CCT8: variants seen among roughly 807,000 people sequenced by gnomAD.
The protein encoded by CCT8 is T-complex protein 1 subunit theta.
Under a neutral mutation model 65.7 loss-of-function variants are expected in CCT8, and 10 were observed. That is an observed-to-expected ratio of 0.15 (90% CI 0.09 to 0.26). The LOEUF is 0.26. Among genes scored for constraint, CCT8 ranks in the 10% least tolerant of loss-of-function variants. The probability of loss-of-function intolerance (pLI) is 1.00; values close to 1 mark genes in which losing one functional copy is unlikely to be tolerated. For synonymous variants in CCT8, 199 were observed against 221.8 expected, an observed-to-expected ratio of 0.90 and a Z score of 0.92; for missense variants, 568 against 669.1, an observed-to-expected ratio of 0.85 and a Z score of 1.67.
At chr21:29,059,537 CCTG>C (rs1277007810) in intron 14 of CCT8, 1 of 152,178 alleles carries the variant, frequency 6.6e-6, no homozygotes, top group African/African-American at 2.4e-5. Context: ...TTCTTCCGTC[CCTG>C]CTATTTTTGG....
At chr21:29,068,690 C>T (rs2085650758) in intron 3 of CCT8, among the ~76,000 whole-genome samples, 1 of 152,168 alleles carries the variant, frequency 6.6e-6, no homozygotes, top group Admixed American at 6.5e-5. Flanking sequence ...GTCTCAAACT[C>T]CTGACCTTAG....
intron 3 of CCT8, among the ~76,000 whole-genome samples, chr21:29,068,521 G>A (rs541548121): frequency 4.6e-5 from 7 of 151,912 alleles, no homozygotes; most frequent in South Asian, 4.1e-4. Flanking sequence ...GTGCAGTGGC[G>A]CGATCTTGGC....
intron 5 of CCT8, 34 bp downstream of exon 5, chr21:29,066,856 AT>A: frequency 6.3e-7 from 1 of 1,585,710 alleles, no homozygotes; most frequent in Middle Eastern, 1.7e-4. Context: ...AGGTATTTTT[AT>A]TTTGGATCTT....
At chr21:29,056,664 G>T in intron 14 of CCT8, 112 bp from the exon 15 acceptor site, 1 of 548,022 alleles carries the variant, frequency 1.8e-6, no homozygotes, top group Non-Finnish European at 3.0e-6. Flanking sequence ...GTATAATTAT[G>T]TACTGCATAT....
chr21:29,067,060 A>G lies in CCT8; in HGVS notation c.393T>C (p.Gly131=). 1 of 1,603,858 alleles carries G rather than the reference A, an allele frequency of 6.2e-7. No individual in the cohort carries two copies. The highest frequency in any genetic ancestry group is 2.2e-5 in the East Asian group (1 of 44,728). The change falls in exon 5 of 15, where the codon GGT becomes GGC. Residue 131 remains glycine, a synonymous_variant. Coordinates refer to ENST00000286788, the MANE Select transcript of CCT8 (RefSeq NM_006585.4). ...IGLSVSEVIE[G]YEIACRKAHE... is the part of the protein sequence containing the mutation. ...GAGCTTTTCTGCAGGCTATTTCATA[A>G]CCTTCTATGACCTAAAACATAAACA...
In CCT8 at chr21:29,073,596, G is replaced by C. The variant is rs368565343; in HGVS notation, c.-6C>G. 9 of 1,613,868 alleles carry C rather than the reference G, an allele frequency of 5.6e-6. No homozygotes were observed. The Admixed American group carries it at 6.7e-5, about 12-fold the overall frequency. ...TTGGGAACGTGAAGCGCCATGGCCA[G>C]CCTGCAGGAAGCAGTTCACGCGACC... On this transcript the variant is annotated 5_prime_UTR_variant, in exon 1 of 15. Transcript: ENST00000286788.
In CCT8 at chr21:29,069,348, G is replaced by T. The variant is rs1601096341; in HGVS notation, c.231+75C>A. 5 of 777,484 alleles carry T rather than the reference G, an allele frequency of 6.4e-6. No homozygotes were observed. In the East Asian group the frequency reaches 1.1e-4, roughly 17 times the overall value. The allele number at this position is 777,484 out of a possible 1,614,324, so 48.2% of individuals were successfully genotyped here. A position where few individuals can be genotyped will look rare whatever the true frequency, so the allele number is the denominator to read the frequency against. Reference sequence around the variant, plus strand: ...GTCCCTTATCCAATCTGAAATAAGAGATTTCTTCTAGTTAAAATCTACTTA... The same window carrying T: ...GTCCCTTATCCAATCTGAAATAAGATATTTCTTCTAGTTAAAATCTACTTA... On this transcript the variant is annotated intron_variant, in intron 3 of 14. Transcript: ENST00000286788.
chr21:29,066,208 G>A (rs1271532013), intron 6 of CCT8, among the ~76,000 whole-genome samples: 1 of 152,014 alleles, frequency 6.6e-6, no homozygotes, highest in Non-Finnish European at 1.5e-5. Context: ...ATAGGTAGTA[G>A]TATTATTACA....
At position 29,060,619 on chromosome 21, in the gene CCT8, A is replaced by T; in HGVS notation, c.1491T>A (p.Ile497=). 6.2e-7 allele frequency: 1 copy of T among 1,613,902 alleles called. No homozygotes were observed. Among genetic ancestry groups the T allele is most frequent in the Non-Finnish European group, 8.5e-7 (1 of 1,179,788 alleles). The change falls in exon 14 of 15, where the codon ATT becomes ATA. Residue 497 remains isoleucine (I), a synonymous_variant. Transcript: ENST00000286788. ...PAVKDMLEAG[I]LDTYLGKYWA... is the part of the protein sequence containing the mutation. The stretch of plus-strand genomic sequence containing the variant: ...AATATTTTCCCAGGTAAGTATCTAG[A>T]ATACCAGCTTCCAGCATGTCCTTTA...
At chr21:29,060,422 T>C in intron 14 of CCT8, 119 bp downstream of exon 14, 2 of 996,140 alleles carry the variant, frequency 2.0e-6, no homozygotes, top group Non-Finnish European at 2.9e-6. Context: ...GTATCTCTAA[T>C]AGGTGAGGAC....
Position 29,069,426 on chromosome 21 carries a change from T to C in CCT8, c.228A>G (p.Leu76=). 1 of 1,560,204 alleles carries C rather than the reference T, an allele frequency of 6.4e-7. No homozygotes were observed. The highest frequency in any genetic ancestry group is 8.7e-7 in the Non-Finnish European group (1 of 1,152,362). The part of the protein sequence containing the change: ...TNDAATILRE[L]EVQHPAAKMI... ...ACTTTTTAAAGAAACAACTTACTTC[T>C]AGTTCTCTTAAAATAGTTGCTGCAT... The change falls in exon 3 of 15, where the codon CTA becomes CTG. Residue 76 remains leucine (L), a synonymous_variant. Transcript: ENST00000286788.
At chr21:29,068,977 G>A (rs951055585) in intron 3 of CCT8, among the ~76,000 whole-genome samples, 1 of 152,158 alleles carries the variant, frequency 6.6e-6, no homozygotes, top group Non-Finnish European at 1.5e-5. Context: ...CTGGCAGGCA[G>A]TATCTATTTT....
intron 8 of CCT8, 177 bp from the exon 9 acceptor site, chr21:29,062,733 ACTCT>A: frequency 1.6e-6 from 1 of 613,734 alleles, no homozygotes. Context: ...CTGATTCCTG[ACTCT>A]CTGAGTGAGT....
At chr21:29,072,053 G>A in intron 1 of CCT8, 3 of 682,718 alleles carry the variant, frequency 4.4e-6, no homozygotes, top group Middle Eastern at 2.4e-4. Flanking sequence ...CAGGGTCTTT[G>A]TACTAGTTAG....
intron 14 of CCT8, 21 bp from the exon 15 acceptor site, chr21:29,056,573 CAA>C (rs747202852): frequency 2.3e-5 from 33 of 1,463,590 alleles, no homozygotes; most frequent in East Asian, 4.8e-5. Context: ...AAGAATCACA[CAA>C]GAGTATGCTT....
intron 7 of CCT8, among the ~76,000 whole-genome samples, chr21:29,063,804 C>G (rs1197788914): frequency 1.3e-5 from 2 of 152,204 alleles, no homozygotes; most frequent in Non-Finnish European, 2.9e-5. Flanking sequence ...GAGTCTCACT[C>G]TGTCACCATG....
At chr21:29,073,482 G>T in intron 1 of CCT8, 49 bp downstream of exon 1, 7 of 1,612,862 alleles carry the variant, frequency 4.3e-6, no homozygotes, top group Non-Finnish European at 5.9e-6. Flanking sequence ...CGCGGCCGCC[G>T]CAGCCCTATG....
chr21:29,063,171 T>C (rs1303334005), intron 8 of CCT8, among the ~76,000 whole-genome samples, 181 bp downstream of exon 8: 1 of 152,214 alleles, frequency 6.6e-6, no homozygotes, highest in Non-Finnish European at 1.5e-5. Context: ...GCTCTCAGCT[T>C]AAATTTATGT....
In CCT8 at chr21:29,069,452, C is replaced by T. The variant is rs1333898115; in HGVS notation, c.202G>A (p.Asp68Asn). Residue 68 changes from aspartate (D) to asparagine (N), a missense_variant, in exon 3 of 15, where the codon GAT becomes AAT. Transcript: ENST00000286788. The stretch of plus-strand genomic sequence containing the variant: ...AGTTCTCTTAAAATAGTTGCTGCAT[C>T]GTTTGTCACAAACAACTTCTCCAAG... ...NHLEKLFVTN[D>N]AATILRELEV... is the part of the protein sequence containing the mutation. 2 of 1,582,812 alleles carry T rather than the reference C, an allele frequency of 1.3e-6. No homozygotes were observed. The highest frequency in any genetic ancestry group is 8.6e-7 in the Non-Finnish European group (1 of 1,166,766).
Sources: allele counts gnomAD v4.1 joint callset (sites outside exome capture counted in the v4.1 genomes callset), GRCh38; gene constraint gnomAD v4.1.1; transcripts MANE v1.5; gene names NCBI Gene and HGNC (gene_info 2026-07-23, HGNC 2026-07-21).